The following DISC1 variants were observed in gnomAD, a reference collection of about 807,000 sequenced individuals.
DISC1 encodes disrupted in schizophrenia 1 protein.
In DISC1, 57 loss-of-function variants were observed where a neutral mutation model predicts 84.5. That is an observed-to-expected ratio of 0.67 (90% CI 0.55 to 0.84). The LOEUF (loss-of-function observed/expected upper bound fraction) is 0.84. DISC1 is among the 40% of genes least tolerant of loss of function. DISC1 has a pLI of 0.00. For missense variants in DISC1, 1,000 were observed against 1,057.8 expected, an observed-to-expected ratio of 0.95 and a Z score of 0.76; for synonymous variants, 411 against 415.2, an observed-to-expected ratio of 0.99 and a Z score of 0.12.
At chr1:232,018,351 T>A (rs1668668674) in intron 11 of DISC1, among the ~76,000 whole-genome samples, 1 of 152,220 alleles carries the variant, frequency 6.6e-6, no homozygotes, top group Admixed American at 6.5e-5. Context: ...AAGCCTTGTT[T>A]ATGGGAACTA....
intron 1 of DISC1, among the ~76,000 whole-genome samples, chr1:231,639,235 CA>C (rs1175985198): frequency 8.6e-6 from 1 of 116,192 alleles, no homozygotes; most frequent in Non-Finnish European, 1.9e-5. Flanking sequence ...CCAAAAGTGG[CA>C]AAAATCTCTA....
At chr1:231,774,267 A>AT (rs1380126476) in intron 6 of DISC1, among the ~76,000 whole-genome samples, 1 of 152,080 alleles carries the variant, frequency 6.6e-6, no homozygotes. Flanking sequence ...GAAAAAAAAA[A>AT]GGAATGTAAG....
chr1:231,642,212 G>T (rs916481552), intron 1 of DISC1, among the ~76,000 whole-genome samples: 2 of 152,152 alleles, frequency 1.3e-5, no homozygotes, highest in African/African-American at 4.8e-5. Flanking sequence ...GCGGACCCGC[G>T]GAGCCCATGC....
Position 231,826,306 on chromosome 1 carries a change from T to A in DISC1, c.1981+7789T>A, listed in dbSNP as rs2081859618. Among the ~76,000 whole-genome samples, 1 of 152,226 alleles carries A rather than the reference T, an allele frequency of 6.6e-6. No homozygotes were observed. Among genetic ancestry groups the A allele is most frequent in the Non-Finnish European group, 1.5e-5 (1 of 68,042 alleles). Reference sequence around the variant, plus strand: ...TTCTTTATGAATTTGATTCCTAACGTCAGTCTCTCTATCCATCCCGCAACC... The same window carrying A: ...TTCTTTATGAATTTGATTCCTAACGACAGTCTCTCTATCCATCCCGCAACC... On this transcript the variant is annotated intron_variant, in intron 9 of 12. Coordinates refer to ENST00000439617, the MANE Select transcript of DISC1 (RefSeq NM_018662.3). The surrounding 1 kb of genome is among the most constrained non-coding windows in gnomAD (Gnocchi z 4.2).
At chr1:231,771,721 CACTCT>C in intron 6 of DISC1, 1 of 326,548 alleles carries the variant, frequency 3.1e-6, no homozygotes, top group Non-Finnish European at 4.4e-6. Flanking sequence ...CGGTCTTCTC[CACTCT>C]ACTCTGGAGT....
At position 231,790,928 on chromosome 1, in the gene DISC1, C is replaced by G. The variant is rs756136803; in HGVS notation, c.1635-4314C>G. 2.4e-4 allele frequency among the ~76,000 whole-genome samples: 37 copies of G among 152,320 alleles called. 1 individual carries two copies. Among genetic ancestry groups the G allele is most frequent in the Non-Finnish European group, 4.1e-4 (28 of 68,026 alleles). On this transcript the variant is annotated intron_variant, in intron 6 of 12. Transcript: ENST00000439617. ...AAAGCCCTATCTCCAAACATCGTCA[C>G]ATTCTTAGGTACTGGGGATTCGGAC... is the stretch of plus-strand genomic sequence containing the variant.
chr1:231,970,951 A>G (rs1661868081), intron 10 of DISC1, among the ~76,000 whole-genome samples: 1 of 152,214 alleles, frequency 6.6e-6, no homozygotes, highest in Non-Finnish European at 1.5e-5. Flanking sequence ...GAAGAGACTG[A>G]GCTAAGGAAG....
At chr1:231,733,885 G>A (rs974873619) in intron 3 of DISC1, among the ~76,000 whole-genome samples, 1 of 150,702 alleles carries the variant, frequency 6.6e-6, no homozygotes, top group Non-Finnish European at 1.5e-5. Flanking sequence ...TGTGATGGTT[G>A]GGGGGTGGTG....
intron 9 of DISC1, among the ~76,000 whole-genome samples, chr1:231,823,825 G>A (rs929237278): frequency 1.3e-5 from 2 of 151,916 alleles, no homozygotes; most frequent in East Asian, 3.9e-4. Flanking sequence ...AAAGCAGGAG[G>A]GACTGTGCAC....
At chr1:231,802,933 C>G (rs926984204) in intron 8 of DISC1, among the ~76,000 whole-genome samples, 1 of 152,130 alleles carries the variant, frequency 6.6e-6, no homozygotes, top group Non-Finnish European at 1.5e-5. Flanking sequence ...GTCCCAAAAC[C>G]AATGCCTCGA....
chr1:231,851,594 C>T (rs2083901411), intron 9 of DISC1, among the ~76,000 whole-genome samples: 2 of 152,206 alleles, frequency 1.3e-5, no homozygotes, highest in South Asian at 4.1e-4. Flanking sequence ...TCCCCCAGCA[C>T]AGGTGTCCCC....
At chr1:231,881,723 C>T (rs1329787193) in intron 9 of DISC1, among the ~76,000 whole-genome samples, 3 of 152,132 alleles carry the variant, frequency 2.0e-5, no homozygotes, top group African/African-American at 7.2e-5. Flanking sequence ...GTGCCCATTT[C>T]GTGTCTCATT....
intron 9 of DISC1, among the ~76,000 whole-genome samples, chr1:231,837,844 C>T (rs371728903): frequency 2.6e-5 from 4 of 152,084 alleles, no homozygotes; most frequent in African/African-American, 9.7e-5. Flanking sequence ...GGAACTGATG[C>T]TGGAAAAAAA....
chr1:231,955,969 A>AGAAAACC, intron 9 of DISC1, among the ~76,000 whole-genome samples: 1 of 152,336 alleles, frequency 6.6e-6, no homozygotes, highest in South Asian at 2.1e-4. Flanking sequence ...CTGAGAAAAC[A>AGAAAACC]GCAGAAGCAG....
chr1:231,716,006 G>A (rs559159148), intron 3 of DISC1, among the ~76,000 whole-genome samples: 11 of 152,208 alleles, frequency 7.2e-5, no homozygotes, highest in African/African-American at 2.7e-4. Context: ...GATAAACTAG[G>A]CATAATAATA....
Position 231,791,070 on chromosome 1 carries a change from A to G in DISC1, c.1635-4172A>G, listed in dbSNP as rs909302495. On this transcript the variant is annotated intron_variant, in intron 6 of 12. Transcript: ENST00000439617. ...TCTGCTGCTGATGTGCGTTCTGTGC[A>G]GCACATTCATGTCAGTAGTCTCAAT... Among the ~76,000 whole-genome samples, 5 of 152,338 alleles carry G rather than the reference A, an allele frequency of 3.3e-5. No individual in the cohort carries two copies. In the South Asian group the frequency reaches 1.0e-3, roughly 32 times the overall value.
At chr1:232,022,947 C>G (rs1017806586) in intron 11 of DISC1, among the ~76,000 whole-genome samples, 1 of 152,134 alleles carries the variant, frequency 6.6e-6, no homozygotes, top group African/African-American at 2.4e-5. Flanking sequence ...GAATGCCAGA[C>G]AGATCTTCTC....
intron 9 of DISC1, among the ~76,000 whole-genome samples, chr1:231,833,751 G>C (rs2082416263): frequency 1.3e-5 from 2 of 152,200 alleles, no homozygotes; most frequent in African/African-American, 4.8e-5. Flanking sequence ...GTGTGCTGGA[G>C]ATGTGGCTGG....
chr1:231,948,861 A>ATTTTTTTTTTT lies in DISC1; in HGVS notation c.1982-9952_1982-9942dup, dbSNP rs58931988. ...AATCATTTGTATTTTTCCTGTGTTA[A>ATTTTTTTTTTT]TTTTTTTTTTTTTTTTTTTTTTTTT... On this transcript the variant is annotated intron_variant, in intron 9 of 12. Transcript: ENST00000439617. 6.4e-5 allele frequency among the ~76,000 whole-genome samples: 6 copies of ATTTTTTTTTTT among 94,470 alleles called. No homozygotes were observed. In the East Asian group the frequency reaches 1.5e-3, roughly 24 times the overall value. 62.0% of individuals were successfully genotyped at this position (94,470 alleles called of 152,430 possible).
Sources: allele counts gnomAD v4.1 joint callset (sites outside exome capture counted in the v4.1 genomes callset), GRCh38; gene constraint gnomAD v4.1.1; non-coding constraint Gnocchi (gnomAD v3.1); transcripts MANE v1.5; gene names NCBI Gene and HGNC (gene_info 2026-07-23, HGNC 2026-07-21).